The following INPP5A variants were observed in gnomAD, a reference collection of about 807,000 sequenced individuals.
INPP5A encodes the protein 43 kDa inositol polyphosphate 5-phophatase.
Under a neutral mutation model 65.2 loss-of-function variants are expected in INPP5A, and 14 were observed. That is an observed-to-expected ratio of 0.21 (90% CI 0.14 to 0.34). The LOEUF (loss-of-function observed/expected upper bound fraction) is 0.34, where lower values mean the gene tolerates loss of function less well. INPP5A is among the 10% of genes least tolerant of loss of function. The pLI is 1.00. For synonymous variants in INPP5A, 207 were observed against 208.3 expected (o/e 0.99, Z 0.05); for missense variants, 431 against 545.6 (o/e 0.79, Z 2.09).
chr10:132,681,855 C>G (rs1473862463), intron 4 of INPP5A, among the ~76,000 whole-genome samples: 1 of 152,134 alleles, frequency 6.6e-6, no homozygotes, highest in Non-Finnish European at 1.5e-5. Flanking sequence ...ATGACCCAAC[C>G]GTAAAAAGGA....
At chr10:132,662,502 C>A (rs1370898715) in intron 4 of INPP5A, among the ~76,000 whole-genome samples, 5 of 152,198 alleles carry the variant, frequency 3.3e-5, no homozygotes, top group African/African-American at 9.7e-5. Flanking sequence ...ACCAAAAATG[C>A]ATTCTGTATG....
rs1206381242 is a variant in INPP5A, at chr10:132,772,397, C to T, written c.978-5274C>T. Among the ~76,000 whole-genome samples, 165 of 115,148 alleles carry T rather than the reference C, an allele frequency of 1.4e-3. 1 individual carries two copies. The highest frequency in any genetic ancestry group is 2.2e-3 in the East Asian group (8 of 3,638). 75.5% of individuals were successfully genotyped at this position (115,148 alleles called of 152,430 possible). A position where few individuals can be genotyped will look rare whatever the true frequency, so the allele number is the denominator to read the frequency against. The stretch of plus-strand genomic sequence containing the variant: ...ACACTCAGCACTGACACGGAGGCCA[C>T]GGCAGCCACCCCACGAGGAGTGGGA... On this transcript the variant is annotated intron_variant, in intron 12 of 15. Coordinates refer to ENST00000368594, the MANE Select transcript of INPP5A (RefSeq NM_005539.5).
intron 2 of INPP5A, among the ~76,000 whole-genome samples, chr10:132,622,956 G>GTCCA (rs1564937931): frequency 4.0e-5 from 6 of 151,644 alleles, no homozygotes; most frequent in South Asian, 2.1e-4. Context: ...TATACCGTCC[G>GTCCA]TGTTCGTGGA....
chr10:132,577,451 G>A (rs1442514750), intron 1 of INPP5A, among the ~76,000 whole-genome samples: 3 of 152,212 alleles, frequency 2.0e-5, no homozygotes, highest in Non-Finnish European at 2.9e-5. Flanking sequence ...CTCGGGCTGC[G>A]CATGCCCGGC....
intron 6 of INPP5A, among the ~76,000 whole-genome samples, chr10:132,700,409 C>T (rs1164598293): frequency 6.6e-6 from 1 of 152,244 alleles, no homozygotes; most frequent in East Asian, 1.9e-4. Flanking sequence ...CTTAGAAATC[C>T]TCCCGGGACC....
At chr10:132,709,548 G>A (rs2134528493) in intron 7 of INPP5A, among the ~76,000 whole-genome samples, 1 of 152,230 alleles carries the variant, frequency 6.6e-6, no homozygotes, top group Non-Finnish European at 1.5e-5. Flanking sequence ...CATGGTGTGG[G>A]GGCACATGGG....
At chr10:132,714,352 G>A (rs952648359) in intron 8 of INPP5A, among the ~76,000 whole-genome samples, 1 of 152,212 alleles carries the variant, frequency 6.6e-6, no homozygotes, top group Non-Finnish European at 1.5e-5. Flanking sequence ...CACCGCGGCT[G>A]CTAACCTCTT....
rs934170286 is a variant in INPP5A, at chr10:132,659,764, G to A, written c.306+9259G>A. ...AGGGCCTCCTCCCCAGCACTGTCCC[G>A]AGTCAGGTCTGCACGGCTTCATGGC... On this transcript the variant is annotated intron_variant, in intron 4 of 15. Transcript: ENST00000368594. The surrounding 1 kb of genome is among the most constrained non-coding windows in gnomAD (Gnocchi z 5.5). Among the ~76,000 whole-genome samples the A allele has an allele frequency of 4.6e-5, 7 of 152,194 alleles. No homozygotes were observed. Among genetic ancestry groups the A allele is most frequent in the Non-Finnish European group, 7.4e-5 (5 of 68,026 alleles).
intron 4 of INPP5A, among the ~76,000 whole-genome samples, chr10:132,666,048 C>T (rs2072797114): frequency 1.1e-5 from 1 of 89,958 alleles, no homozygotes; most frequent in Non-Finnish European, 2.2e-5. Context: ...GAGCAAGATC[C>T]TGTCTCAAAA....
At chr10:132,751,585 G>A (rs1374963614) in intron 11 of INPP5A, among the ~76,000 whole-genome samples, 2 of 152,256 alleles carry the variant, frequency 1.3e-5, no homozygotes, top group East Asian at 1.9e-4. Context: ...AGCAGGGAGA[G>A]CCTGGGGAGC....
At chr10:132,649,761 A>G (rs1213336951) in intron 3 of INPP5A, among the ~76,000 whole-genome samples, 5 of 152,156 alleles carry the variant, frequency 3.3e-5, no homozygotes, top group South Asian at 4.1e-4. Flanking sequence ...TCCTCCGTTC[A>G]TGGGCTCCAG....
rs1397531811 is a variant in INPP5A, at chr10:132,704,037, CCA to C, written c.475-4268_475-4267del. 6.7e-6 allele frequency among the ~76,000 whole-genome samples: 1 copy of C among 149,476 alleles called. No individual in the cohort carries two copies. ...CCCCCACACACGCGTGGCTTCACCC[CCA>C]CACACACGCAGCTTCACCCGCATGG... On this transcript the variant is annotated intron_variant, in intron 6 of 15. Transcript: ENST00000368594. This position sits in a 1 kb window ranked among gnomAD's most constrained non-coding sequence, Gnocchi z 4.5.
chr10:132,724,464 A>G (rs1382031236), intron 8 of INPP5A, among the ~76,000 whole-genome samples: 1 of 152,226 alleles, frequency 6.6e-6, no homozygotes, highest in Non-Finnish European at 1.5e-5. Flanking sequence ...ACATGTGACT[A>G]TATGGAAATT....
chr10:132,607,593 G>GGGAGGCT (rs2071874697), intron 1 of INPP5A, among the ~76,000 whole-genome samples: 1 of 152,262 alleles, frequency 6.6e-6, no homozygotes, highest in Non-Finnish European at 1.5e-5. Context: ...TCTCTTCCCT[G>GGGAGGCT]GGAGGCTGGA....
At chr10:132,623,735 T>A (rs994663428) in intron 2 of INPP5A, among the ~76,000 whole-genome samples, 5 of 152,178 alleles carry the variant, frequency 3.3e-5, no homozygotes, top group Non-Finnish European at 7.3e-5. Context: ...AGGAAAATAT[T>A]TGCAAATTAC....
intron 2 of INPP5A, among the ~76,000 whole-genome samples, chr10:132,628,187 C>T (rs935637265): frequency 1.3e-5 from 2 of 152,316 alleles, no homozygotes; most frequent in South Asian, 4.1e-4. Flanking sequence ...CAGCTCAGGC[C>T]CATTCCTACC....
At chr10:132,726,472 C>T (rs936670169) in intron 8 of INPP5A, among the ~76,000 whole-genome samples, 1 of 152,208 alleles carries the variant, frequency 6.6e-6, no homozygotes, top group Non-Finnish European at 1.5e-5. Context: ...CTTGTCCGGC[C>T]CTTTCCCGTT....
At position 132,762,530 on chromosome 10, in the gene INPP5A, A is replaced by G. The variant is rs1157817162; in HGVS notation, c.904-3243A>G. Among the ~76,000 whole-genome samples, 1 of 152,178 alleles carries G rather than the reference A, an allele frequency of 6.6e-6. No individual in the cohort carries two copies. The highest frequency in any genetic ancestry group is 2.4e-5 in the African/African-American group (1 of 41,452). ...GTCAGCCTTCAGAACACTGGCCACC[A>G]TAAAGACAGTACCTGGCGATGGAGA... is the stretch of plus-strand genomic sequence containing the variant. On this transcript the variant is annotated intron_variant, in intron 11 of 15. Transcript: ENST00000368594. This position sits in a 1 kb window ranked among gnomAD's most constrained non-coding sequence, Gnocchi z 4.6.
At chr10:132,634,754 G>A (rs1182343133) in intron 2 of INPP5A, among the ~76,000 whole-genome samples, 1 of 152,228 alleles carries the variant, frequency 6.6e-6, no homozygotes, top group Non-Finnish European at 1.5e-5. Flanking sequence ...TTCGTCTCCT[G>A]GAGCCTTGGT....
Sources: gnomAD v4.1 joint callset for allele counts (sites outside exome capture counted in the v4.1 genomes callset) on GRCh38, gnomAD v4.1.1 for gene constraint, Gnocchi (gnomAD v3.1) non-coding constraint, MANE v1.5 for transcripts, NCBI Gene and HGNC (gene_info 2026-07-23, HGNC 2026-07-21) for gene names.